Variants in SYT14 observed in about 807,000 individuals in gnomAD.
The protein encoded by SYT14 is synaptotagmin-14.
In SYT14, 32 loss-of-function variants were observed where a neutral mutation model predicts 74.2. That is an observed-to-expected ratio of 0.43 (90% confidence interval 0.33 to 0.58). The LOEUF is 0.58. SYT14 is among the 20% of genes least tolerant of loss of function. The pLI is 0.05. For missense variants in SYT14, 791 were observed against 981.8 expected, an observed-to-expected ratio of 0.81 and a Z score of 2.60; for synonymous variants, 298 against 337.7, an observed-to-expected ratio of 0.88 and a Z score of 1.29.
intron 7 of SYT14, among the ~76,000 whole-genome samples, chr1:210,122,402 C>A (rs887420268): frequency 1.3e-5 from 2 of 152,178 alleles, no homozygotes; most frequent in Non-Finnish European, 2.9e-5. Flanking sequence ...ACTGATTGGG[C>A]AGGTTCTTTC....
chr1:210,154,541 G>A (rs1054154387), intron 7 of SYT14, among the ~76,000 whole-genome samples: 4 of 152,034 alleles, frequency 2.6e-5, no homozygotes, highest in African/African-American at 4.8e-5. Context: ...ATTTTTTCAT[G>A]GTCTCTAGAA....
chr1:210,048,706 A>G (rs1037647323), intron 5 of SYT14, among the ~76,000 whole-genome samples: 6 of 152,264 alleles, frequency 3.9e-5, no homozygotes, highest in South Asian at 4.1e-4. Context: ...TTGAAAACCA[A>G]TCATGCTTTC....
At chr1:210,110,623 G>A (rs936362266) in intron 7 of SYT14, among the ~76,000 whole-genome samples, 1 of 152,148 alleles carries the variant, frequency 6.6e-6, no homozygotes, top group Non-Finnish European at 1.5e-5. Flanking sequence ...TAGATCAGGG[G>A]TACCAAGGAG....
chr1:209,987,938 GTTT>G (rs1475185688), intron 2 of SYT14, among the ~76,000 whole-genome samples: 1 of 152,004 alleles, frequency 6.6e-6, no homozygotes, highest in Non-Finnish European at 1.5e-5. Context: ...CCTTTGTGTA[GTTT>G]TCTTCGTTTT....
intron 7 of SYT14, among the ~76,000 whole-genome samples, chr1:210,104,780 AC>A (rs2082129401): frequency 6.6e-6 from 1 of 152,222 alleles, no homozygotes; most frequent in Admixed American, 6.5e-5. Context: ...CCCTTCCTGT[AC>A]AAACAGTACT....
intron 6 of SYT14, among the ~76,000 whole-genome samples, chr1:210,097,775 A>G (rs1189210713): frequency 6.6e-6 from 1 of 152,220 alleles, no homozygotes; most frequent in Non-Finnish European, 1.5e-5. Context: ...CTTATGCTAC[A>G]TTAAAAACTG....
chr1:210,077,629 G>T (rs1275152443), intron 5 of SYT14, among the ~76,000 whole-genome samples: 1 of 152,018 alleles, frequency 6.6e-6, no homozygotes, highest in Non-Finnish European at 1.5e-5. Context: ...CAAATTGCAG[G>T]GTCATATTGT....
intron 7 of SYT14, among the ~76,000 whole-genome samples, chr1:210,125,903 G>C (rs1457779701): frequency 6.6e-6 from 1 of 152,088 alleles, no homozygotes; most frequent in Non-Finnish European, 1.5e-5. Flanking sequence ...AGTGGAAAGA[G>C]GTAAAGAAAG....
chr1:209,959,449 A>G (rs919820513), intron 2 of SYT14, among the ~76,000 whole-genome samples: 7 of 152,162 alleles, frequency 4.6e-5, no homozygotes, highest in South Asian at 2.1e-4. Flanking sequence ...CGGCCTGGCA[A>G]CGTTATTCTT....
At chr1:210,064,816 G>GT (rs2081267677) in intron 5 of SYT14, among the ~76,000 whole-genome samples, 1 of 152,004 alleles carries the variant, frequency 6.6e-6, no homozygotes, top group African/African-American at 2.4e-5. Flanking sequence ...CTAATTCTAT[G>GT]TTTAACTTTC....
chr1:209,972,328 G>A (rs1396288806), intron 2 of SYT14, among the ~76,000 whole-genome samples: 1 of 151,656 alleles, frequency 6.6e-6, no homozygotes, highest in Admixed American at 6.6e-5. Context: ...TTGATTCTTC[G>A]TATGGATTTG....
chr1:210,012,662 A>G (rs2080107400), intron 2 of SYT14, among the ~76,000 whole-genome samples: 1 of 152,114 alleles, frequency 6.6e-6, no homozygotes, highest in Non-Finnish European at 1.5e-5. Flanking sequence ...AATTTTGTTA[A>G]GTAATATATC....
chr1:209,989,495 G>T (rs2079628475), intron 2 of SYT14, among the ~76,000 whole-genome samples: 1 of 152,178 alleles, frequency 6.6e-6, no homozygotes, highest in Non-Finnish European at 1.5e-5. Context: ...CTAGCTGTCT[G>T]CTCTTCAGCC....
chr1:210,023,034 T>C (rs1216085718), intron 5 of SYT14, among the ~76,000 whole-genome samples: 2 of 152,178 alleles, frequency 1.3e-5, no homozygotes, highest in Non-Finnish European at 2.9e-5. Flanking sequence ...CACCTTCTCA[T>C]TTTATTTTAC....
chr1:209,984,442 A>T (rs1314120238), intron 2 of SYT14, among the ~76,000 whole-genome samples: 1 of 152,202 alleles, frequency 6.6e-6, no homozygotes, highest in Non-Finnish European at 1.5e-5. Context: ...GTGGAGGTAC[A>T]TACCCTTGAA....
intron 2 of SYT14, among the ~76,000 whole-genome samples, chr1:209,993,291 G>A (rs978998154): frequency 1.3e-5 from 2 of 152,210 alleles, no homozygotes; most frequent in African/African-American, 4.8e-5. Context: ...CCCCTCCTTG[G>A]ACACATGCCT....
rs866440102 is a variant in SYT14 at position 209,965,932 on chromosome 1, A to G, written c.-486+13176A>G. On this transcript the variant is annotated intron_variant, in intron 2 of 9. Coordinates refer to ENST00000637265, the Ensembl canonical transcript of SYT14. The stretch of plus-strand genomic sequence containing the variant: ...TGTGGCCAGGCTGGAGTACAGTGGC[A>G]CCATCTTGGCTCACTGCAACTTCCG... 5.9e-5 allele frequency: 27 copies of G among 454,224 alleles called. No individual in the cohort carries two copies. Among genetic ancestry groups the G allele is most frequent in the Middle Eastern group, 3.5e-4 (1 of 2,872 alleles). The allele number at this position is 454,224 out of a possible 1,614,324, so 28.1% of individuals were successfully genotyped here. A position where few individuals can be genotyped will look rare whatever the true frequency, so the allele number is the denominator to read the frequency against.
chr1:210,131,555 ATG>A (rs1317278405), intron 7 of SYT14, among the ~76,000 whole-genome samples: 1 of 151,522 alleles, frequency 6.6e-6, no homozygotes, highest in African/African-American at 2.4e-5. Context: ...TTATATATAT[ATG>A]TATATGTACA....
chr1:210,010,535 A>G (rs1324762044), intron 2 of SYT14, among the ~76,000 whole-genome samples: 3 of 152,164 alleles, frequency 2.0e-5, no homozygotes, highest in Non-Finnish European at 4.4e-5. Context: ...CTCAAGTGTC[A>G]TCTCTTCTAA....
Sources: gnomAD v4.1 joint callset for allele counts (sites outside exome capture counted in the v4.1 genomes callset) on GRCh38, gnomAD v4.1.1 for gene constraint, MANE v1.5 for transcripts, NCBI Gene and HGNC (gene_info 2026-07-23, HGNC 2026-07-21) for gene names.